Variants in LRRC4B observed in about 807,000 individuals in gnomAD.
The protein encoded by LRRC4B is leucine-rich repeat-containing protein 4B.
A neutral mutation model predicts 7.3 loss-of-function variants in LRRC4B; 1 was observed. The observed-to-expected ratio is 0.14, with a 90% CI of 0.05 to 0.65. LRRC4B has a LOEUF of 0.65. LRRC4B is among the 30% of genes least tolerant of loss of function. LRRC4B has a pLI of 0.84. For missense variants in LRRC4B, 730 were observed against 1,041.6 expected (o/e 0.70, Z 4.12); for synonymous variants, 500 against 499.2 (o/e 1.00, Z -0.02).
At chr19:50,528,817 C>T (rs1439002077) in intron 2 of LRRC4B, among the ~76,000 whole-genome samples, 6 of 152,038 alleles carry the variant, frequency 3.9e-5, no homozygotes, top group East Asian at 1.9e-4. Flanking sequence ...AGGATGGGCT[C>T]GGGCAGGCCT....
rs971100115 is a variant in LRRC4B, at chr19:50,553,274, G to C, written c.-35-4401C>G. On this transcript the variant is annotated intron_variant, in intron 1 of 2. Coordinates refer to ENST00000652263, the MANE Select transcript of LRRC4B (RefSeq NM_001080457.2). The surrounding 1 kb of genome is among the most constrained non-coding windows in gnomAD (Gnocchi z 4.2). ...CCCCACGGGCAGCGAGGGGTATCCT[G>C]TCAACACCCCATGGACCCTGCCCCG... Among the ~76,000 whole-genome samples, 2 of 151,956 alleles carry C rather than the reference G, an allele frequency of 1.3e-5. No individual in the cohort carries two copies. Among genetic ancestry groups the C allele is most frequent in the African/African-American group, 2.4e-5 (1 of 41,344 alleles).
At chr19:50,562,572 C>A (rs1982502390) in intron 1 of LRRC4B, among the ~76,000 whole-genome samples, 2 of 152,118 alleles carry the variant, frequency 1.3e-5, no homozygotes, top group African/African-American at 4.8e-5. Flanking sequence ...GGCTGCACAG[C>A]CTTCTGACCT....
rs772505708 is a variant in LRRC4B at position 50,518,123 on chromosome 19, C to T, written c.1590G>A (p.Ala530=). The T allele has an allele frequency of 1.9e-6, 3 of 1,593,496 alleles. No homozygotes were observed. The highest frequency in any genetic ancestry group is 2.7e-5 in the African/African-American group (2 of 73,886). The change falls in exon 3 of 3, where the codon GCG becomes GCA. Residue 530 remains alanine (A), a synonymous_variant. Coordinates refer to ENST00000652263, the MANE Select transcript of LRRC4B (RefSeq NM_001080457.2). ...TGGTAGAAGACGAGGCAGGGCCGGCCGCGTCCCCAGGCCGGCCCCCACCCC... is the reference window on the plus strand; with the variant it reads ...TGGTAGAAGACGAGGCAGGGCCGGCTGCGTCCCCAGGCCGGCCCCCACCCC... ...GVWGGGRPGD[A]AGPASSSTTA...
chr19:50,544,087 A>G (rs1037732509), intron 2 of LRRC4B, among the ~76,000 whole-genome samples: 12 of 151,752 alleles, frequency 7.9e-5, no homozygotes, highest in Non-Finnish European at 1.0e-4. Flanking sequence ...TGCGCCTGTA[A>G]TCCCAGCTAC....
At chr19:50,530,617 G>C (rs1981013198) in intron 2 of LRRC4B, among the ~76,000 whole-genome samples, 1 of 152,186 alleles carries the variant, frequency 6.6e-6, no homozygotes, top group African/African-American at 2.4e-5. Context: ...CACAACGTCA[G>C]CCTTGCGAGC....
rs1982297888 is a variant in LRRC4B at position 50,556,981 on chromosome 19, CTG to C, written c.-35-8110_-35-8109del. On this transcript the variant is annotated intron_variant, in intron 1 of 2. Coordinates refer to ENST00000652263, the MANE Select transcript of LRRC4B (RefSeq NM_001080457.2). This position sits in a 1 kb window ranked among gnomAD's most constrained non-coding sequence, Gnocchi z 4.2. ...GGGCCCTCCTTCCTCTCACAACGGGCTGTGACAACAGAGGGGCAGGCTCAGCT... is the reference window on the plus strand; with the variant it reads ...GGGCCCTCCTTCCTCTCACAACGGGCTGACAACAGAGGGGCAGGCTCAGCT... 2.0e-5 allele frequency among the ~76,000 whole-genome samples: 3 copies of C among 152,198 alleles called. No individual in the cohort carries two copies. In the South Asian group the frequency reaches 6.2e-4, roughly 32 times the overall value.
At chr19:50,540,096 G>A (rs943692875) in intron 2 of LRRC4B, among the ~76,000 whole-genome samples, 1 of 152,100 alleles carries the variant, frequency 6.6e-6, no homozygotes, top group African/African-American at 2.4e-5. Context: ...TGAAAGCTCA[G>A]TATTACGTTT....
chr19:50,543,338 G>T, intron 2 of LRRC4B, among the ~76,000 whole-genome samples: 1 of 144,886 alleles, frequency 6.9e-6, no homozygotes, highest in Non-Finnish European at 1.5e-5. Flanking sequence ...AGGCCCTGGT[G>T]TGTGTGTGTG....
At position 50,518,556 on chromosome 19, in the gene LRRC4B, C is replaced by T; in HGVS notation, c.1157G>A (p.Arg386His). The T allele has an allele frequency of 1.3e-6, 2 of 1,588,734 alleles. No individual in the cohort carries two copies. The highest frequency in any genetic ancestry group is 1.1e-5 in the South Asian group (1 of 87,034). Residue 386 changes from arginine (R) to histidine (H), a missense_variant, in exon 3 of 3, where the codon CGC (arginine) becomes CAC (histidine). Physicochemically the swap from Arg to His is conservative, Grantham distance 29. Around this residue, in one of 6 missense-constraint regions of LRRC4B, gnomAD observed 226 missense variants for 448.0 expected, o/e 0.50. Coordinates refer to ENST00000652263, the MANE Select transcript of LRRC4B (RefSeq NM_001080457.2). The stretch of plus-strand genomic sequence containing the variant: ...GACGGAGGTCATGGAGGTGCCCGTG[C>T]GGCATTTGAGCTCGGCAGCCATGCC... The part of the protein sequence containing the change: ...TEGMAAELKC[R>H]TGTSMTSVNW...
At position 50,517,627 on chromosome 19, in the gene LRRC4B, C is replaced by T. The variant is rs1601365481; in HGVS notation, c.2086G>A (p.Glu696Lys). The change falls in exon 3 of 3, where the codon GAA becomes AAA. Residue 696 changes from glutamate to lysine, a missense_variant. Physicochemically the swap from Glu to Lys is moderately conservative, Grantham distance 56 (BLOSUM62 1). This residue lies in a region of LRRC4B where 160 missense variants were observed against 163.9 expected (regional missense o/e 0.98). Transcript: ENST00000652263. The surrounding 1 kb of genome is among the most constrained non-coding windows in gnomAD (Gnocchi z 6.6). ...GAGCCGCTCTTGAAGAGCAGAGGTT[C>T]GTGGATGGAGTTGAGGCCAGGCGGG... ...KGPPGLNSIHEPLLFKSGSKE... is the reference protein window; with the variant it reads ...KGPPGLNSIHKPLLFKSGSKE... 2 of 1,484,034 alleles carry T rather than the reference C, an allele frequency of 1.3e-6. No individual in the cohort carries two copies. The highest frequency in any genetic ancestry group is 2.5e-5 in the East Asian group (1 of 39,588). The allele number at this position is 1,484,034 out of a possible 1,614,324, so 91.9% of individuals were successfully genotyped here.
intron 2 of LRRC4B, among the ~76,000 whole-genome samples, chr19:50,542,638 G>A (rs1454268936): frequency 6.6e-6 from 1 of 151,944 alleles, no homozygotes; most frequent in Non-Finnish European, 1.5e-5. Context: ...CACTATGCCT[G>A]GCTAATTTTG....
rs1390171777 is a variant in LRRC4B, at chr19:50,544,928, C to T, written c.297+3614G>A. On this transcript the variant is annotated intron_variant, in intron 2 of 2. Transcript: ENST00000652263. Reference sequence around the variant, plus strand: ...AAAATCGAGACCATCCTGGCTAACACGGTGAAACCCTGTCTCTACTAAAAA... The same window carrying T: ...AAAATCGAGACCATCCTGGCTAACATGGTGAAACCCTGTCTCTACTAAAAA... 2.6e-5 allele frequency among the ~76,000 whole-genome samples: 4 copies of T among 152,026 alleles called. No homozygotes were observed. The East Asian group carries it at 5.8e-4, about 22-fold the overall frequency.
At chr19:50,566,230 G>A (rs1161341664) in intron 1 of LRRC4B, among the ~76,000 whole-genome samples, 2 of 151,990 alleles carry the variant, frequency 1.3e-5, no homozygotes, top group African/African-American at 4.8e-5. Flanking sequence ...CCTGGACCAG[G>A]AGGGAAGCCG....
Position 50,517,321 on chromosome 19 carries a change from A to T in LRRC4B, c.*250T>A. The T allele has an allele frequency of 2.9e-6, 1 of 349,172 alleles. No individual in the cohort carries two copies. 21.6% of individuals were successfully genotyped at this position (349,172 alleles called of 1,614,324 possible). A position where few individuals can be genotyped will look rare whatever the true frequency, so the allele number is the denominator to read the frequency against. ...ACTCAGGCCACTTCTCCTGGGTCCC[A>T]CGTCCCCTCCCGTCACCGGGGATTG... On this transcript the variant is annotated 3_prime_UTR_variant, in exon 3 of 3. Coordinates refer to ENST00000652263, the MANE Select transcript of LRRC4B (RefSeq NM_001080457.2). The surrounding 1 kb of genome is among the most constrained non-coding windows in gnomAD (Gnocchi z 6.6).
chr19:50,558,924 A>T (rs761900968), intron 1 of LRRC4B, among the ~76,000 whole-genome samples: 4 of 152,188 alleles, frequency 2.6e-5, no homozygotes, highest in Non-Finnish European at 5.9e-5. Context: ...AGGCCTGAGC[A>T]CCTGACCAGC....
chr19:50,550,895 C>G (rs529764246), intron 1 of LRRC4B: 1 of 152,224 alleles, frequency 6.6e-6, no homozygotes. Context: ...AAGACCCTGG[C>G]GATGATCCAG....
Position 50,532,065 on chromosome 19 carries a change from C to T in LRRC4B, c.298-12650G>A, listed in dbSNP as rs188983257. 6.3e-4 allele frequency among the ~76,000 whole-genome samples: 96 copies of T among 152,034 alleles called. 1 individual carries two copies. In the East Asian group the frequency reaches 0.017, roughly 27 times the overall value. ...TGGTGAAACCTCGTCTCTACTAAAA[C>T]AACAACAACACCCACCAAAATTTAC... On this transcript the variant is annotated intron_variant, in intron 2 of 2. Transcript: ENST00000652263.
intron 2 of LRRC4B, among the ~76,000 whole-genome samples, chr19:50,525,687 C>A (rs1289619501): frequency 6.6e-6 from 1 of 151,736 alleles, no homozygotes; most frequent in Admixed American, 6.6e-5. Context: ...CCCAAAGTGC[C>A]GGGATTACAC....
At chr19:50,535,169 G>C (rs11880142) in intron 2 of LRRC4B, among the ~76,000 whole-genome samples, 34 of 151,582 alleles carry the variant, frequency 2.2e-4, no homozygotes, top group Middle Eastern at 6.8e-3. Context: ...CGCCCGGCCT[G>C]TTTATTTATT....
Sources: allele counts gnomAD v4.1 joint callset (sites outside exome capture counted in the v4.1 genomes callset), GRCh38; gene constraint gnomAD v4.1.1; regional missense constraint gnomAD v4.1.1; non-coding constraint Gnocchi (gnomAD v3.1); transcripts MANE v1.5; gene names NCBI Gene and HGNC (gene_info 2026-07-23, HGNC 2026-07-21).